Variants in HPX observed in about 807,000 individuals in gnomAD.
HPX encodes beta-1B-glycoprotein.
A neutral mutation model predicts 53.8 loss-of-function variants in HPX; 42 were observed. The observed-to-expected ratio is 0.78, with a 90% CI of 0.61 to 1.01. The LOEUF (loss-of-function observed/expected upper bound fraction) is 1.01. HPX is among the 50% of genes least tolerant of loss of function. The pLI is 0.00. For missense variants in HPX, 547 were observed against 594.3 expected (o/e 0.92, Z 0.83); for synonymous variants, 229 against 221.1 (o/e 1.04, Z -0.32).
chr11:6,439,452 T>TA (rs1396700779), intron 4 of HPX, among the ~76,000 whole-genome samples: 1 of 152,104 alleles, frequency 6.6e-6, no homozygotes, highest in Non-Finnish European at 1.5e-5. Flanking sequence ...CTGTAGAACA[T>TA]ACAATTGGAA....
chr11:6,440,148 T>G lies in HPX; in HGVS notation c.336+17A>C. On this transcript the variant is annotated intron_variant, in intron 4 of 9. Coordinates refer to ENST00000265983, the MANE Select transcript of HPX (RefSeq NM_000613.3). The stretch of plus-strand genomic sequence containing the variant: ...CCAGCCCTTTCCAGCCTGGCCCTGA[T>G]TTTGGCCCAGCAGTACCTTGATCAG... 6.2e-7 allele frequency: 1 copy of G among 1,613,788 alleles called. No homozygotes were observed.
Position 6,437,169 on chromosome 11 carries a change from G to A in HPX, c.712C>T (p.His238Tyr). The A allele has an allele frequency of 6.2e-7, 1 of 1,613,620 alleles. No homozygotes were observed. Among genetic ancestry groups the A allele is most frequent in the Non-Finnish European group, 8.5e-7 (1 of 1,179,758 alleles). Residue 238 changes from histidine (H) to tyrosine (Y), a missense_variant, in exon 7 of 10, where the codon CAC becomes TAC. Physicochemically the swap from His to Tyr is moderately conservative, Grantham distance 83 (BLOSUM62 2). Transcript: ENST00000265983. ...TTCCCATGGCCAGTCCCATTCCTGT[G>A]TCCATGGCCTGGAGAGAGAAATGGG... ...FMPCPGRGHG[H>Y]RNGTGHGNST... is the part of the protein sequence containing the mutation.
In HPX at chr11:6,431,159, A is replaced by G; in HGVS notation, c.*52T>C. 1 of 1,606,082 alleles carries G rather than the reference A, an allele frequency of 6.2e-7. No homozygotes were observed. The highest frequency in any genetic ancestry group is 8.5e-7 in the Non-Finnish European group (1 of 1,175,072). On this transcript the variant is annotated 3_prime_UTR_variant, in exon 10 of 10. Transcript: ENST00000265983. The stretch of plus-strand genomic sequence containing the variant: ...AGAAGCGAAGAAGCAATCTGTCTTT[A>G]TTATGAGGAACTAGGAGGTGGGGCC...
chr11:6,432,508 A>G (rs189417102), intron 7 of HPX, among the ~76,000 whole-genome samples: 34 of 152,272 alleles, frequency 2.2e-4, no homozygotes, highest in African/African-American at 8.2e-4. Flanking sequence ...ACAACTTATT[A>G]AGGAATTATC....
chr11:6,431,163 T>G lies in HPX; in HGVS notation c.*48A>C. ...GCGAAGAAGCAATCTGTCTTTATTA[T>G]GAGGAACTAGGAGGTGGGGCCAGGC... is the stretch of plus-strand genomic sequence containing the variant. On this transcript the variant is annotated 3_prime_UTR_variant, in exon 10 of 10. Coordinates refer to ENST00000265983, the MANE Select transcript of HPX (RefSeq NM_000613.3). 6.2e-7 allele frequency: 1 copy of G among 1,606,580 alleles called. No homozygotes were observed. Among genetic ancestry groups the G allele is most frequent in the Non-Finnish European group, 8.5e-7 (1 of 1,175,292 alleles).
In HPX at chr11:6,437,248, G is replaced by C. The variant is rs1849428358; in HGVS notation, c.704-71C>G. ...TCAGAGTGAGGTCCAAGGTGGAAGA[G>C]ATGGCTGGGGTTAGTGGGGTGTGGG... On this transcript the variant is annotated intron_variant, in intron 6 of 9. Coordinates refer to ENST00000265983, the MANE Select transcript of HPX (RefSeq NM_000613.3). The C allele has an allele frequency of 2.6e-6, 4 of 1,539,988 alleles. No individual in the cohort carries two copies. In the South Asian group the frequency reaches 3.5e-5, roughly 14 times the overall value.
chr11:6,436,920 G>T, intron 7 of HPX, 126 bp downstream of exon 7: 1 of 1,039,166 alleles, frequency 9.6e-7, no homozygotes. Context: ...AGGGCATGCA[G>T]AAGGATGGGG....
At chr11:6,434,139 T>G (rs2134133253) in intron 7 of HPX, among the ~76,000 whole-genome samples, 2 of 152,330 alleles carry the variant, frequency 1.3e-5, no homozygotes, top group Admixed American at 1.3e-4. Context: ...TGTATCTCAG[T>G]GCCTAGGACA....
chr11:6,433,036 C>A (rs1849369390), intron 7 of HPX, among the ~76,000 whole-genome samples: 1 of 152,172 alleles, frequency 6.6e-6, no homozygotes, highest in African/African-American at 2.4e-5. Context: ...AAACTGATTT[C>A]TGCCCCCCAC....
chr11:6,432,109 G>C, intron 7 of HPX, 92 bp from the exon 8 acceptor site: 1 of 1,432,078 alleles, frequency 7.0e-7, no homozygotes, highest in Non-Finnish European at 9.7e-7. Flanking sequence ...TCATGAGAGG[G>C]AGAGAATGCA....
At position 6,431,283 on chromosome 11, in the gene HPX, C is replaced by T. The variant is rs1463499668; in HGVS notation, c.1317G>A (p.Val439=). The T allele has an allele frequency of 2.0e-5, 33 of 1,614,112 alleles. No individual in the cohort carries two copies. Among genetic ancestry groups the T allele is most frequent in the Non-Finnish European group, 2.7e-5 (32 of 1,180,040 alleles). ...GGGCCTTGGCTGCATTCAGTTTCTCCACATCACTGTAGCAGTACAAATTGG... is the reference window on the plus strand; with the variant it reads ...GGGCCTTGGCTGCATTCAGTTTCTCTACATCACTGTAGCAGTACAAATTGG... The part of the protein sequence containing the change: ...HGPNLYCYSD[V]EKLNAAKALP... The change falls in exon 10 of 10, where the codon GTG becomes GTA. Residue 439 remains valine, a synonymous_variant. Coordinates refer to ENST00000265983, the MANE Select transcript of HPX (RefSeq NM_000613.3).
chr11:6,436,995 C>T (rs1314792105), intron 7 of HPX, 51 bp downstream of exon 7: 5 of 1,593,700 alleles, frequency 3.1e-6, no homozygotes, highest in Admixed American at 3.4e-5. Context: ...ATGGGAGATA[C>T]AAGTAAAAGA....
Position 6,431,781 on chromosome 11 carries a change from A to G in HPX, c.989T>C (p.Leu330Pro). The G allele has an allele frequency of 6.2e-7, 1 of 1,614,172 alleles. No individual in the cohort carries two copies. The highest frequency in any genetic ancestry group is 8.5e-7 in the Non-Finnish European group (1 of 1,180,038). ...LVQGTQVYVF[L>P]TKGGYTLVSG... ...TACTAGGGTATAGCCTCCCTTTGTC[A>G]GGAAGACATATACCTGGGTGCCCTG... Residue 330 changes from leucine (L) to proline (P), a missense_variant, in exon 9 of 10, where the codon CTG (leucine) becomes CCG (proline). Transcript: ENST00000265983.
At chr11:6,435,760 T>C (rs1444624330) in intron 7 of HPX, among the ~76,000 whole-genome samples, 11 of 152,244 alleles carry the variant, frequency 7.2e-5, no homozygotes, top group Admixed American at 7.2e-4. Flanking sequence ...CCGGCCTGGG[T>C]ATTTTTAATA....
Position 6,440,960 on chromosome 11 carries a change from C to T in HPX, c.4G>A (p.Ala2Thr). The change falls in exon 1 of 10, where the codon GCT becomes ACT. Residue 2 changes from alanine (A) to threonine (T), a missense_variant. Physicochemically the swap from Ala to Thr is moderately conservative, Grantham distance 58. Transcript: ENST00000265983. MARVLGAPVALG... is the reference protein window; with the variant it reads MTRVLGAPVALG... Reference sequence around the variant, plus strand: ...GCAACGGGTGCTCCCAGTACCCTAGCCATGCTGAGCTGCAGAGGCCACAGG... The same window carrying T: ...GCAACGGGTGCTCCCAGTACCCTAGTCATGCTGAGCTGCAGAGGCCACAGG... 1.2e-6 allele frequency: 2 copies of T among 1,602,400 alleles called. No individual in the cohort carries two copies. The highest frequency in any genetic ancestry group is 1.7e-6 in the Non-Finnish European group (2 of 1,173,688).
chr11:6,438,080 C>T, intron 5 of HPX: 1 of 524,726 alleles, frequency 1.9e-6, no homozygotes, highest in Admixed American at 3.5e-5. Context: ...CATGGAGAGA[C>T]TTGTATGTAA....
At chr11:6,435,561 C>G (rs1849406012) in intron 7 of HPX, among the ~76,000 whole-genome samples, 1 of 152,214 alleles carries the variant, frequency 6.6e-6, no homozygotes, top group South Asian at 2.1e-4. Flanking sequence ...ACCTTCCGGG[C>G]TCAGCCTCTG....
chr11:6,437,277 C>T, intron 6 of HPX, 100 bp from the exon 7 acceptor site: 5 of 1,455,118 alleles, frequency 3.4e-6, no homozygotes, highest in Non-Finnish European at 4.7e-6. Flanking sequence ...GTGTGGGTTT[C>T]CCCATATGAG....
At position 6,431,297 on chromosome 11, in the gene HPX, A is replaced by T; in HGVS notation, c.1303T>A (p.Cys435Ser). The T allele has an allele frequency of 1.2e-6, 2 of 1,614,260 alleles. No homozygotes were observed. Among genetic ancestry groups the T allele is most frequent in the Non-Finnish European group, 1.7e-6 (2 of 1,180,042 alleles). The change falls in exon 10 of 10, where the codon TGC becomes AGC. Residue 435 changes from cysteine to serine, a missense_variant. Coordinates refer to ENST00000265983, the MANE Select transcript of HPX (RefSeq NM_000613.3). ...TTCAGTTTCTCCACATCACTGTAGC[A>T]GTACAAATTGGGACCATGGATGAGG... ...LYLIHGPNLY[C>S]YSDVEKLNAA...
Sources: allele counts gnomAD v4.1 joint callset (sites outside exome capture counted in the v4.1 genomes callset), GRCh38; gene constraint gnomAD v4.1.1; transcripts MANE v1.5; gene names NCBI Gene and HGNC (gene_info 2026-07-23, HGNC 2026-07-21).